The following CEP95 variants were observed in gnomAD, a reference collection of about 807,000 sequenced individuals.
CEP95 encodes the protein centrosomal protein of 95 kDa.
In CEP95, 98 loss-of-function variants were observed where a neutral mutation model predicts 111.2. That is an observed-to-expected ratio of 0.88 (90% confidence interval 0.75 to 1.04). CEP95 has a LOEUF of 1.04. Among genes scored for constraint, CEP95 ranks in the 50% least tolerant of loss-of-function variants. The probability of loss-of-function intolerance (pLI) is 0.00; values close to 1 mark genes in which losing one functional copy is unlikely to be tolerated. For missense variants in CEP95, 1,027 were observed against 977.2 expected, an observed-to-expected ratio of 1.05 and a Z score of -0.68; for synonymous variants, 323 against 327.1, an observed-to-expected ratio of 0.99 and a Z score of 0.14.
In CEP95 at chr17:64,522,259, T is replaced by A. The variant is rs536344923; in HGVS notation, c.716-443T>A. ...TTTTGTAACGTGGACGAACCATAAT[T>A]CACATAACATAACATTCTTCAAGCC... On this transcript the variant is annotated intron_variant, in intron 7 of 19. Transcript: ENST00000556440. Among the ~76,000 whole-genome samples, 208 of 152,308 alleles carry A rather than the reference T, an allele frequency of 1.4e-3. 1 individual carries two copies. The highest frequency in any genetic ancestry group is 4.9e-3 in the African/African-American group (205 of 41,556).
intron 10 of CEP95, 180 bp from the exon 11 acceptor site, chr17:64,526,920 ACTGCACTCCAG>A: frequency 2.3e-6 from 1 of 440,078 alleles, no homozygotes; most frequent in Non-Finnish European, 4.1e-6. Context: ...AGCTAGCACC[ACTGCACTCCAG>A]CCTGGGTGAC....
At chr17:64,533,233 T>A in intron 16 of CEP95, 42 bp downstream of exon 16, 1 of 1,484,014 alleles carries the variant, frequency 6.7e-7, no homozygotes. Flanking sequence ...CTGAATTTGT[T>A]ATATTCATTC....
At position 64,518,400 on chromosome 17, in the gene CEP95, G is replaced by C. The variant is rs145837798; in HGVS notation, c.474-921G>C. 6.0e-3 allele frequency among the ~76,000 whole-genome samples: 914 copies of C among 152,220 alleles called. 10 individuals carry two copies. The highest frequency in any genetic ancestry group is 0.02 in the African/African-American group (835 of 41,530). On this transcript the variant is annotated intron_variant, in intron 5 of 19. Coordinates refer to ENST00000556440, the MANE Select transcript of CEP95 (RefSeq NM_138363.3). ...GGCTAATAATAAAAGTTGCCAGACT[G>C]TTTTCCAAAAAGGCCATGACTGTAC... is the stretch of plus-strand genomic sequence containing the variant.
intron 12 of CEP95, among the ~76,000 whole-genome samples, chr17:64,530,674 A>G (rs902771467): frequency 1.3e-4 from 19 of 151,920 alleles, no homozygotes; most frequent in African/African-American, 3.6e-4. Flanking sequence ...ACGCCCAGCT[A>G]ATTTTGTATT....
rs1555679252 is a variant in CEP95 at position 64,527,123 on chromosome 17, G to A, written c.1165G>A (p.Ala389Thr). 6.2e-7 allele frequency: 1 copy of A among 1,612,436 alleles called. No homozygotes were observed. The highest frequency in any genetic ancestry group is 2.2e-5 in the East Asian group (1 of 44,844). ...ATTTTCTCAATAGATGTTAAAAAGT[G>A]CTCTGGGTGATCGGATTAAAGAAAA... ...LSELDWMLKS[A>T]LGDRIKEKTD... The change falls in exon 11 of 20, where the codon GCT becomes ACT. Residue 389 changes from alanine (A) to threonine (T), a missense_variant. By Grantham distance (58) the Ala-to-Thr change is moderately conservative. Coordinates refer to ENST00000556440, the MANE Select transcript of CEP95 (RefSeq NM_138363.3).
chr17:64,524,715 G>A (rs776326225), intron 8 of CEP95, among the ~76,000 whole-genome samples: 1 of 152,110 alleles, frequency 6.6e-6, no homozygotes, highest in Non-Finnish European at 1.5e-5. Flanking sequence ...GCTCACACCT[G>A]TAATCCCAGC....
At position 64,519,398 on chromosome 17, in the gene CEP95, T is replaced by C; in HGVS notation, c.551T>C (p.Leu184Pro). Reference sequence around the variant, plus strand: ...GAATCCACTGGTGAAATCATTAGACTTGGAGACACAGCACACACCTTTTCT... The same window carrying C: ...GAATCCACTGGTGAAATCATTAGACCTGGAGACACAGCACACACCTTTTCT... ...EAESTGEIIR[L>P]GDTAHTFSLR... The change falls in exon 6 of 20, where the codon CTT becomes CCT. Residue 184 changes from leucine (L) to proline (P), a missense_variant. Leu to Pro is a moderately conservative substitution (Grantham distance 98, BLOSUM62 -3). Transcript: ENST00000556440. 1.2e-6 allele frequency: 2 copies of C among 1,613,796 alleles called. No homozygotes were observed. The highest frequency in any genetic ancestry group is 1.1e-5 in the South Asian group (1 of 91,076).
chr17:64,516,493 A>T (rs2144387815), intron 4 of CEP95, among the ~76,000 whole-genome samples: 1 of 152,348 alleles, frequency 6.6e-6, no homozygotes, highest in East Asian at 1.9e-4. Flanking sequence ...AACATTGCTC[A>T]TACAACTGTA....
intron 18 of CEP95, 129 bp from the exon 19 acceptor site, chr17:64,536,912 A>T (rs1968694376): frequency 8.5e-7 from 1 of 1,176,636 alleles, no homozygotes; most frequent in Non-Finnish European, 1.2e-6. Context: ...ATCAAATAAT[A>T]CCTGACCATA....
chr17:64,523,680 C>A (rs1352929023), intron 8 of CEP95, among the ~76,000 whole-genome samples: 2 of 152,066 alleles, frequency 1.3e-5, no homozygotes, highest in Non-Finnish European at 2.9e-5. Flanking sequence ...TTGGGAGGCT[C>A]ATGTGAGTGC....
chr17:64,511,082 A>G (rs1253734038), intron 3 of CEP95, among the ~76,000 whole-genome samples: 2 of 152,188 alleles, frequency 1.3e-5, no homozygotes, highest in African/African-American at 2.4e-5. Context: ...GTTGTGGGTC[A>G]CAGACATCAA....
chr17:64,519,878 G>A (rs1967181371), intron 6 of CEP95, among the ~76,000 whole-genome samples: 1 of 152,118 alleles, frequency 6.6e-6, no homozygotes, highest in Non-Finnish European at 1.5e-5. Flanking sequence ...AGTAGACCCG[G>A]ATATCTTTCA....
chr17:64,517,210 C>T (rs966425189), intron 5 of CEP95, among the ~76,000 whole-genome samples: 11 of 152,026 alleles, frequency 7.2e-5, no homozygotes, highest in Admixed American at 6.6e-5. Flanking sequence ...CCATGCCCGG[C>T]TAATTTTTAT....
At chr17:64,519,801 G>A (rs1490662316) in intron 6 of CEP95, among the ~76,000 whole-genome samples, 3 of 152,294 alleles carry the variant, frequency 2.0e-5, no homozygotes, top group South Asian at 2.1e-4. Context: ...CAATAAGTTC[G>A]TATATGCAGT....
At chr17:64,521,679 A>T (rs1215135508) in intron 7 of CEP95, among the ~76,000 whole-genome samples, 152 bp downstream of exon 7, 1 of 151,888 alleles carries the variant, frequency 6.6e-6, no homozygotes, top group Admixed American at 6.6e-5. Context: ...TAATTATGGT[A>T]TCTGAATTCT....
intron 19 of CEP95, 166 bp from the exon 20 acceptor site, chr17:64,537,437 T>C: frequency 7.2e-7 from 1 of 1,380,056 alleles, no homozygotes; most frequent in East Asian, 2.6e-5. Context: ...CCCAAGACAT[T>C]TTTATCCTAT....
At chr17:64,515,631 A>T (rs1445883819) in intron 4 of CEP95, 1 of 152,064 alleles carries the variant, frequency 6.6e-6, no homozygotes, top group East Asian at 1.9e-4. Flanking sequence ...GTATGTGGTG[A>T]GCTACTGGGG....
chr17:64,525,613 A>G (rs1967749886), intron 8 of CEP95, among the ~76,000 whole-genome samples, 157 bp from the exon 9 acceptor site: 1 of 152,208 alleles, frequency 6.6e-6, no homozygotes, highest in Non-Finnish European at 1.5e-5. Context: ...CCTTTGGTGC[A>G]CTGGGTGTCA....
At chr17:64,537,142 C>CA in intron 19 of CEP95, 30 bp downstream of exon 19, 1 of 1,601,484 alleles carries the variant, frequency 6.2e-7, no homozygotes, top group South Asian at 1.1e-5. Flanking sequence ...CCAAGTCATG[C>CA]ACTGCATGGC....
Sources: allele counts gnomAD v4.1 joint callset (sites outside exome capture counted in the v4.1 genomes callset), GRCh38; gene constraint gnomAD v4.1.1; transcripts MANE v1.5; gene names NCBI Gene and HGNC (gene_info 2026-07-23, HGNC 2026-07-21).